The following TNR variants were observed in gnomAD, a reference collection of about 807,000 sequenced individuals.
TNR encodes the protein tenascin-R.
TNR carries 45 observed loss-of-function variants against 150.4 expected under a neutral mutation model. The observed-to-expected ratio is 0.30, with a 90% confidence interval of 0.24 to 0.38. The LOEUF is 0.38. Ranked by LOEUF, TNR falls within the 10% of genes least tolerant of loss-of-function variation. The pLI is 1.00. For synonymous variants in TNR, 687 were observed against 678.4 expected (o/e 1.01, Z -0.20); for missense variants, 1,544 against 1,759.1 (o/e 0.88, Z 2.19).
chr1:175,424,489 T>C (rs1654884699), intron 2 of TNR, among the ~76,000 whole-genome samples: 1 of 152,238 alleles, frequency 6.6e-6, no homozygotes, highest in Non-Finnish European at 1.5e-5. Flanking sequence ...GAATTGTGTC[T>C]AAACCCCACA....
chr1:175,713,104 C>A (rs1453059806), intron 1 of TNR, among the ~76,000 whole-genome samples: 2 of 152,164 alleles, frequency 1.3e-5, no homozygotes, highest in Non-Finnish European at 2.9e-5. Context: ...AGCGATAATG[C>A]TGGACGATAG....
At chr1:175,353,872 G>A (rs1430446148) in intron 18 of TNR, among the ~76,000 whole-genome samples, 1 of 149,046 alleles carries the variant, frequency 6.7e-6, no homozygotes, top group Non-Finnish European at 1.5e-5. Context: ...TTGAGACGGA[G>A]TCTCACTTTT....
intron 2 of TNR, among the ~76,000 whole-genome samples, chr1:175,507,765 T>G (rs1036655758): frequency 8.5e-5 from 13 of 152,228 alleles, no homozygotes; most frequent in African/African-American, 3.1e-4. Flanking sequence ...TGTCACAATC[T>G]ATCACCTCCA....
chr1:175,617,076 C>T (rs1308988931), intron 1 of TNR, among the ~76,000 whole-genome samples: 1 of 152,192 alleles, frequency 6.6e-6, no homozygotes, highest in Non-Finnish European at 1.5e-5. Context: ...ATCAGCCCTT[C>T]TTTCTCCTCT....
intron 1 of TNR, among the ~76,000 whole-genome samples, chr1:175,589,037 C>T (rs571744006): frequency 3.9e-5 from 6 of 152,020 alleles, no homozygotes; most frequent in Non-Finnish European, 8.8e-5. Flanking sequence ...CTGGTGGTGG[C>T]GATGGATTTG....
chr1:175,424,935 C>T lies in TNR; in HGVS notation c.-63-18158G>A, dbSNP rs190971736. ...AAGCTGAAGACCCTGGAGGGTGACT[C>T]AAGCCAGAGGGCTCTAGTAGTGTTG... is the stretch of plus-strand genomic sequence containing the variant. On this transcript the variant is annotated intron_variant, in intron 2 of 22. Transcript: ENST00000367674. 1.1e-3 allele frequency among the ~76,000 whole-genome samples: 170 copies of T among 152,152 alleles called. 1 individual carries two copies. Among genetic ancestry groups the T allele is most frequent in the Non-Finnish European group, 2.1e-3 (140 of 68,004 alleles).
chr1:175,689,104 G>A (rs1571754178), intron 1 of TNR, among the ~76,000 whole-genome samples: 2 of 152,264 alleles, frequency 1.3e-5, no homozygotes, highest in African/African-American at 4.8e-5. Context: ...TGTCTCTGTA[G>A]GACCACGTCG....
intron 7 of TNR, among the ~76,000 whole-genome samples, chr1:175,390,460 T>C (rs1323542594): frequency 1.3e-5 from 2 of 152,256 alleles, no homozygotes; most frequent in Non-Finnish European, 2.9e-5. Flanking sequence ...AGATGCTATT[T>C]ATAACTTTCG....
intron 1 of TNR, among the ~76,000 whole-genome samples, chr1:175,668,560 C>A (rs973323034): frequency 6.6e-6 from 1 of 152,100 alleles, no homozygotes; most frequent in Non-Finnish European, 1.5e-5. Flanking sequence ...TGAGACTGGG[C>A]AAAAGGGAGA....
At chr1:175,391,612 T>C (rs913738909) in intron 6 of TNR, among the ~76,000 whole-genome samples, 174 bp from the exon 7 acceptor site, 1 of 152,178 alleles carries the variant, frequency 6.6e-6, no homozygotes, top group Non-Finnish European at 1.5e-5. Flanking sequence ...TAACTCCCCA[T>C]AGACTCCATA....
At chr1:175,414,325 G>A (rs1351838844) in intron 2 of TNR, among the ~76,000 whole-genome samples, 1 of 152,042 alleles carries the variant, frequency 6.6e-6, no homozygotes, top group Non-Finnish European at 1.5e-5. Flanking sequence ...AAATGGAAGA[G>A]TGCCAGGCTG....
intron 1 of TNR, among the ~76,000 whole-genome samples, chr1:175,536,836 A>C (rs557451846): frequency 1.7e-4 from 26 of 152,312 alleles, no homozygotes; most frequent in African/African-American, 6.3e-4. Flanking sequence ...ATAGAAATTC[A>C]GTCATTGAAG....
chr1:175,549,287 A>C (rs1468984395), intron 1 of TNR, among the ~76,000 whole-genome samples: 1 of 152,266 alleles, frequency 6.6e-6, no homozygotes, highest in Non-Finnish European at 1.5e-5. Flanking sequence ...TTCAGAGTCA[A>C]GTTTGTTGTA....
intron 2 of TNR, among the ~76,000 whole-genome samples, chr1:175,421,597 C>T (rs1285321282): frequency 6.6e-6 from 1 of 152,186 alleles, no homozygotes; most frequent in African/African-American, 2.4e-5. Context: ...TTAGTCTAGA[C>T]CCACAAATGT....
chr1:175,550,426 G>A (rs918641868), intron 1 of TNR, among the ~76,000 whole-genome samples: 5 of 152,128 alleles, frequency 3.3e-5, no homozygotes, highest in South Asian at 4.2e-4. Flanking sequence ...AGAATAGTAG[G>A]TGTGAGGTGA....
At chr1:175,372,194 T>C (rs1652139593) in intron 9 of TNR, among the ~76,000 whole-genome samples, 1 of 152,238 alleles carries the variant, frequency 6.6e-6, no homozygotes. Flanking sequence ...AGAAGCAGAT[T>C]CTGGCACCAT....
chr1:175,404,275 A>C (rs1299557064), intron 3 of TNR, among the ~76,000 whole-genome samples: 19 of 152,080 alleles, frequency 1.2e-4, no homozygotes. Flanking sequence ...TGTGCAGAGA[A>C]AGGTCTTATG....
At chr1:175,657,899 C>T (rs1238437747) in intron 1 of TNR, among the ~76,000 whole-genome samples, 2 of 105,444 alleles carry the variant, frequency 1.9e-5, no homozygotes, top group African/African-American at 7.1e-5. Flanking sequence ...CAAACCTGCA[C>T]GTTGTGCACA....
chr1:175,341,411 G>A (rs1650518775), intron 18 of TNR, among the ~76,000 whole-genome samples: 1 of 152,160 alleles, frequency 6.6e-6, no homozygotes, highest in African/African-American at 2.4e-5. Flanking sequence ...ACAAGTGCTT[G>A]GTACACTGAA....
Sources: gnomAD v4.1 joint callset for allele counts (sites outside exome capture counted in the v4.1 genomes callset) on GRCh38, gnomAD v4.1.1 for gene constraint, MANE v1.5 for transcripts, NCBI Gene and HGNC (gene_info 2026-07-23, HGNC 2026-07-21) for gene names.